Variants in S100PBP observed in about 807,000 individuals in gnomAD.
S100PBP encodes S100P-binding protein.
In S100PBP, 15 loss-of-function variants were observed where a neutral mutation model predicts 39.9. That is an observed-to-expected ratio of 0.38 (90% CI 0.25 to 0.58). S100PBP has a LOEUF of 0.58. S100PBP is among the 20% of genes least tolerant of loss of function. S100PBP has a pLI of 0.70. For missense variants in S100PBP, 504 were observed against 487.3 expected (o/e 1.03, Z -0.32); for synonymous variants, 178 against 180.3 (o/e 0.99, Z 0.10).
At chr1:32,816,816 G>A (rs1418318834), upstream of S100PBP, 1 of 371,604 alleles carries the variant, frequency 2.7e-6, no homozygotes, top group East Asian at 5.2e-5. Flanking sequence ...GTACTTACTT[G>A]AACCGTAATG....
chr1:32,834,599 G>A (rs1425311938), intron 5 of S100PBP, among the ~76,000 whole-genome samples: 1 of 152,140 alleles, frequency 6.6e-6, no homozygotes, highest in Admixed American at 6.6e-5. Flanking sequence ...AAATCAGCAG[G>A]CATATATGAC....
Position 32,858,484 on chromosome 1 carries a change from G to A in S100PBP, c.*2446G>A, listed in dbSNP as rs949981635. ...ATCTGGCATGTTCGCCTTAAAGATG[G>A]TACTGGGTAGAATCTGGAGTTTTCA... On this transcript the variant is annotated 3_prime_UTR_variant, in exon 7 of 7. Coordinates refer to ENST00000373475, the MANE Select transcript of S100PBP (RefSeq NM_022753.4). 4 of 152,612 alleles carry A rather than the reference G, an allele frequency of 2.6e-5. No homozygotes were observed. The highest frequency in any genetic ancestry group is 5.9e-5 in the Non-Finnish European group (4 of 68,042). 9.5% of individuals were successfully genotyped at this position (152,612 alleles called of 1,614,324 possible). A position where few individuals can be genotyped will look rare whatever the true frequency, so the allele number is the denominator to read the frequency against.
chr1:32,855,727 A>G (rs1250513102), intron 6 of S100PBP, among the ~76,000 whole-genome samples, 197 bp from the exon 7 acceptor site: 2 of 152,236 alleles, frequency 1.3e-5, no homozygotes, highest in Non-Finnish European at 2.9e-5. Context: ...TTGGAAAGAA[A>G]TAGCACTTAC....
chr1:32,854,761 C>T (rs973488695), intron 6 of S100PBP, among the ~76,000 whole-genome samples: 2 of 152,212 alleles, frequency 1.3e-5, no homozygotes, highest in Non-Finnish European at 2.9e-5. Context: ...GGCCTATGCT[C>T]ACCGACCTCA....
upstream of S100PBP, chr1:32,817,568 C>T (rs897282679): frequency 4.6e-5 from 24 of 519,222 alleles, no homozygotes; most frequent in Non-Finnish European, 7.0e-5. Context: ...GCTGGTTTGC[C>T]CTCCCCCTGG....
At chr1:32,834,224 A>T (rs976202130) in intron 5 of S100PBP, among the ~76,000 whole-genome samples, 1 of 152,164 alleles carries the variant, frequency 6.6e-6, no homozygotes, top group African/African-American at 2.4e-5. Flanking sequence ...GATAATTTAT[A>T]TTTAATCATA....
intron 5 of S100PBP, among the ~76,000 whole-genome samples, chr1:32,833,870 C>G (rs1051149872): frequency 1.3e-5 from 2 of 151,792 alleles, no homozygotes; most frequent in African/African-American, 4.8e-5. Context: ...TTTTAAGGAC[C>G]TTTTCATGTA....
intron 1 of S100PBP, among the ~76,000 whole-genome samples, chr1:32,819,215 G>A (rs1638924197): frequency 6.6e-6 from 1 of 152,142 alleles, no homozygotes; most frequent in African/African-American, 2.4e-5. Flanking sequence ...AGAAAGGATG[G>A]GGTGTAGAGG....
rs188168776 is a variant in S100PBP at position 32,840,976 on chromosome 1, C to G, written c.1024+10909C>G. Reference sequence around the variant, plus strand: ...GAGATTGAGGCCGTCCTGGCTAACACGGTGAAACCCCGTCTCTACTAAAAA... The same window carrying G: ...GAGATTGAGGCCGTCCTGGCTAACAGGGTGAAACCCCGTCTCTACTAAAAA... On this transcript the variant is annotated intron_variant, in intron 5 of 6. Transcript: ENST00000373475. 2.6e-5 allele frequency among the ~76,000 whole-genome samples: 4 copies of G among 151,560 alleles called. No homozygotes were observed. In the South Asian group the frequency reaches 8.3e-4, roughly 32 times the overall value.
chr1:32,827,026 A>C, intron 3 of S100PBP, 96 bp downstream of exon 3: 2 of 801,904 alleles, frequency 2.5e-6, no homozygotes, highest in Non-Finnish European at 3.9e-6. Context: ...CCACACATAC[A>C]CAACTTCCCC....
At chr1:32,842,133 G>T (rs189736520) in intron 5 of S100PBP, among the ~76,000 whole-genome samples, 14 of 131,666 alleles carry the variant, frequency 1.1e-4, no homozygotes, top group Non-Finnish European at 9.4e-5. Context: ...AGGTTGCATT[G>T]ATGCACCACT....
chr1:32,830,149 T>G (rs1639531541), intron 5 of S100PBP, 82 bp downstream of exon 5: 3 of 857,700 alleles, frequency 3.5e-6, no homozygotes, highest in Admixed American at 2.3e-5. Flanking sequence ...ACTGGGAGAT[T>G]GTTTAGAATT....
chr1:32,833,642 G>C (rs565394930), intron 5 of S100PBP, among the ~76,000 whole-genome samples: 1 of 151,950 alleles, frequency 6.6e-6, no homozygotes, highest in African/African-American at 2.4e-5. Context: ...GATTACAGGC[G>C]TGAGACAGCA....
chr1:32,819,593 G>A (rs1193710416), intron 1 of S100PBP, among the ~76,000 whole-genome samples: 1 of 152,072 alleles, frequency 6.6e-6, no homozygotes, highest in African/African-American at 2.4e-5. Context: ...AAAAATAAAG[G>A]GGTCCCCATA....
At chr1:32,840,652 C>T (rs191619200) in intron 5 of S100PBP, among the ~76,000 whole-genome samples, 15 of 151,992 alleles carry the variant, frequency 9.9e-5, no homozygotes, top group East Asian at 1.9e-4. Context: ...CCACCACGCC[C>T]GACCTATTTT....
chr1:32,829,930 C>A (rs907260915), intron 4 of S100PBP, 34 bp from the exon 5 acceptor site: 5 of 1,425,428 alleles, frequency 3.5e-6, no homozygotes, highest in Non-Finnish European at 4.0e-6. Flanking sequence ...TTCTAATGGG[C>A]TGTTTTTCTT....
At chr1:32,833,141 T>C (rs753001476) in intron 5 of S100PBP, among the ~76,000 whole-genome samples, 48 of 152,218 alleles carry the variant, frequency 3.2e-4, no homozygotes, top group Admixed American at 7.2e-4. Context: ...GTCTGTTCTA[T>C]ATATTTTTGC....
chr1:32,847,749 A>C (rs1193325655), intron 5 of S100PBP: 1 of 151,600 alleles, frequency 6.6e-6, no homozygotes, highest in African/African-American at 2.4e-5. Flanking sequence ...CTTGCCTTCT[A>C]CTTATTTTTT....
chr1:32,840,943 G>A (rs1410495733), intron 5 of S100PBP, among the ~76,000 whole-genome samples: 2 of 151,210 alleles, frequency 1.3e-5, no homozygotes, highest in African/African-American at 4.9e-5. Flanking sequence ...GGCGGATCAC[G>A]AGATCAGGAG....
Sources: gnomAD v4.1 joint callset for allele counts (sites outside exome capture counted in the v4.1 genomes callset) on GRCh38, gnomAD v4.1.1 for gene constraint, MANE v1.5 for transcripts, NCBI Gene and HGNC (gene_info 2026-07-23, HGNC 2026-07-21) for gene names.